SRPRB: variants seen among roughly 807,000 people sequenced by gnomAD.
The protein encoded by SRPRB is SRP receptor subunit beta, also known as signal recognition particle receptor subunit beta.
In SRPRB, 20 loss-of-function variants were observed where a neutral mutation model predicts 31.9. That is an observed-to-expected ratio of 0.63 (90% CI 0.44 to 0.91). SRPRB has a LOEUF of 0.91. Among genes scored for constraint, SRPRB ranks in the 40% least tolerant of loss-of-function variants. The probability of loss-of-function intolerance (pLI) is 0.00; values close to 1 mark genes in which losing one functional copy is unlikely to be tolerated. For synonymous variants in SRPRB, 146 were observed against 132.8 expected (o/e 1.10, Z -0.68); for missense variants, 321 against 324.9 (o/e 0.99, Z 0.09).
chr3:133,790,045 G>A (rs1051905276), intron 1 of SRPRB: 1 of 152,016 alleles, frequency 6.6e-6, no homozygotes, highest in African/African-American at 2.4e-5. Flanking sequence ...GGAAATAACT[G>A]ACTTTAAAAG....
intron 1 of SRPRB, among the ~76,000 whole-genome samples, chr3:133,798,310 T>C (rs1044386603): frequency 6.6e-6 from 1 of 152,190 alleles, no homozygotes; most frequent in African/African-American, 2.4e-5. Flanking sequence ...ATTTTGATGA[T>C]AGCCACTGAT....
intron 4 of SRPRB, among the ~76,000 whole-genome samples, chr3:133,814,650 A>G (rs1392198125): frequency 1.3e-5 from 2 of 150,700 alleles, no homozygotes; most frequent in East Asian, 3.9e-4. Context: ...TGTTGCCCAG[A>G]CTTGTCTCGA....
intron 3 of SRPRB, chr3:133,810,431 T>A (rs1935238898): frequency 6.6e-6 from 1 of 152,220 alleles, no homozygotes; most frequent in African/African-American, 2.4e-5. Context: ...TATTCACCAT[T>A]CCAGGCCTTG....
At chr3:133,819,356 C>G (rs1182789579) in intron 6 of SRPRB, among the ~76,000 whole-genome samples, 197 bp from the exon 7 acceptor site, 4 of 151,300 alleles carry the variant, frequency 2.6e-5, no homozygotes, top group Admixed American at 6.6e-5. Flanking sequence ...TCTGACCCCC[C>G]CAGCCCGCCC....
At chr3:133,809,417 C>T (rs1341298790) in intron 3 of SRPRB, among the ~76,000 whole-genome samples, 1 of 152,068 alleles carries the variant, frequency 6.6e-6, no homozygotes, top group Non-Finnish European at 1.5e-5. Flanking sequence ...TCCCCTTTCT[C>T]ATGCCTCCAG....
downstream of SRPRB, chr3:133,827,746 A>C (rs887330360): frequency 0.017 from 1,231 of 72,896 alleles, no homozygotes; most frequent in Admixed American, 0.024. Context: ...TGCAGACAAC[A>C]CCCCCCCCCC....
chr3:133,824,773 C>G (rs1297673041), downstream of SRPRB: 1 of 152,072 alleles, frequency 6.6e-6, no homozygotes, highest in Non-Finnish European at 1.5e-5. Flanking sequence ...ACCTAGTGTC[C>G]TAACCAAAAA....
At chr3:133,802,857 G>A (rs77653936), upstream of SRPRB, among the ~76,000 whole-genome samples, 10,565 of 152,120 alleles carry the variant, frequency 0.069, 404 homozygotes, top group Non-Finnish European at 0.087. Flanking sequence ...ATAGAAAAGA[G>A]ACAATTTTCA....
chr3:133,788,761 G>A lies in SRPRB; in HGVS notation c.-174+4617G>A, dbSNP rs561238290. The stretch of plus-strand genomic sequence containing the variant: ...ACTTTTTTCTATCTTTTCTGGTTGT[G>A]GTCCCTGATTCCTATGTGTGGCGCA... On this transcript the variant is annotated intron_variant, in intron 1 of 7. Transcript: ENST00000466490. The A allele has an allele frequency of 2.0e-5, 3 of 152,340 alleles. No individual in the cohort carries two copies. The South Asian group carries it at 6.2e-4, about 32-fold the overall frequency. The allele number at this position is 152,340 out of a possible 1,614,324, so 9.4% of individuals were successfully genotyped here. A position where few individuals can be genotyped will look rare whatever the true frequency, so the allele number is the denominator to read the frequency against.
chr3:133,804,195 A>G (rs1057162420), upstream of SRPRB, among the ~76,000 whole-genome samples: 1 of 151,872 alleles, frequency 6.6e-6, no homozygotes, highest in African/African-American at 2.4e-5. Context: ...GCCTCAAGCA[A>G]TCCTCCTGCC....
chr3:133,798,135 C>A (rs1440369044), intron 1 of SRPRB, among the ~76,000 whole-genome samples: 1 of 152,104 alleles, frequency 6.6e-6, no homozygotes, highest in Non-Finnish European at 1.5e-5. Context: ...GCGAATTAGC[C>A]AATTTGTAAA....
rs371593492 is a variant in SRPRB, at chr3:133,819,750, T to C, written c.800T>C (p.Leu267Pro). 10 of 1,614,090 alleles carry C rather than the reference T, an allele frequency of 6.2e-6. No homozygotes were observed. Among genetic ancestry groups the C allele is most frequent in the East Asian group, 2.2e-5 (1 of 44,862 alleles). The change falls in exon 7 of 7, where the codon CTG becomes CCG. Residue 267 changes from leucine to proline, a missense_variant. Coordinates refer to ENST00000678299, the MANE Select transcript of SRPRB (RefSeq NM_001379313.1). ...SADIQDLEKW[L>P]AKIA is the part of the protein sequence containing the mutation. ...GACATCCAGGACTTGGAGAAATGGCTGGCTAAAATTGCCTGAGAGGCAGCT... is the reference window on the plus strand; with the variant it reads ...GACATCCAGGACTTGGAGAAATGGCCGGCTAAAATTGCCTGAGAGGCAGCT...
upstream of SRPRB, chr3:133,805,810 A>C (rs554629686): frequency 1.1e-5 from 17 of 1,578,010 alleles, no homozygotes; most frequent in South Asian, 1.8e-4. Flanking sequence ...GTGCAGGGCC[A>C]CGTCGCTTTT....
chr3:133,801,761 G>C (rs370268963), upstream of SRPRB, among the ~76,000 whole-genome samples: 335 of 152,276 alleles, frequency 2.2e-3, 4 homozygotes, highest in Non-Finnish European at 9.3e-4. Context: ...ACAGAGCAGC[G>C]GTTAGGACCA....
At chr3:133,805,718 G>C (rs1415758859), upstream of SRPRB, 1 of 1,254,736 alleles carries the variant, frequency 8.0e-7, no homozygotes, top group Non-Finnish European at 1.1e-6. Flanking sequence ...TCAAGCACTT[G>C]GGGGATCGCC....
chr3:133,827,746 ACCCCC>A (rs55951806), downstream of SRPRB: 451 of 73,476 alleles, frequency 6.1e-3, 3 homozygotes, highest in African/African-American at 0.014. Context: ...TGCAGACAAC[ACCCCC>A]CCCCCCCCCC....
chr3:133,814,515 T>A (rs1287260422), intron 4 of SRPRB, among the ~76,000 whole-genome samples: 1 of 152,078 alleles, frequency 6.6e-6, no homozygotes, highest in Non-Finnish European at 1.5e-5. Context: ...CTCAGTTCAC[T>A]GCAACCTTCG....
At chr3:133,811,824 C>T (rs1290802891) in intron 4 of SRPRB, among the ~76,000 whole-genome samples, 1 of 152,080 alleles carries the variant, frequency 6.6e-6, no homozygotes, top group Non-Finnish European at 1.5e-5. Context: ...CCTCATGATC[C>T]GCTGGCCTCA....
At chr3:133,806,573 C>G in intron 1 of SRPRB, 36 bp from the exon 2 acceptor site, 1 of 1,554,126 alleles carries the variant, frequency 6.4e-7, no homozygotes, top group South Asian at 1.1e-5. Context: ...ATTCCCAAGG[C>G]GTAATTTTTG....
Sources: gnomAD v4.1 joint callset for allele counts (sites outside exome capture counted in the v4.1 genomes callset) on GRCh38, gnomAD v4.1.1 for gene constraint, MANE v1.5 for transcripts, NCBI Gene and HGNC (gene_info 2026-07-23, HGNC 2026-07-21) for gene names.